Variants in SDK1 observed in about 807,000 individuals in gnomAD.
SDK1 encodes the protein protein sidekick-1.
SDK1 carries 157 observed loss-of-function variants against 245.5 expected under a neutral mutation model. The ratio of observed to expected loss-of-function variants is 0.64; its 90% CI spans 0.56 to 0.73. The LOEUF is 0.73. Ranked by LOEUF, SDK1 falls within the 30% of genes least tolerant of loss-of-function variation. SDK1 has a pLI of 0.00. For synonymous variants in SDK1, 1,647 were observed against 1,278.5 expected, an observed-to-expected ratio of 1.29 and a Z score of -6.15; for missense variants, 3,583 against 3,002.3, an observed-to-expected ratio of 1.19 and a Z score of -4.52.
At chr7:3,615,405 C>G (rs2060179) in intron 1 of SDK1, among the ~76,000 whole-genome samples, 3 of 151,298 alleles carry the variant, frequency 2.0e-5, no homozygotes, top group African/African-American at 7.3e-5. Context: ...TACAGCTTAA[C>G]GCATGTCAGT....
chr7:3,868,235 T>G (rs1467747972), intron 5 of SDK1, among the ~76,000 whole-genome samples: 4 of 152,192 alleles, frequency 2.6e-5, no homozygotes, highest in Admixed American at 6.5e-5. Context: ...TGGTAAAAAA[T>G]AAACCTGTCA....
chr7:3,606,685 C>A (rs183366412), intron 1 of SDK1, among the ~76,000 whole-genome samples: 1 of 152,228 alleles, frequency 6.6e-6, no homozygotes, highest in East Asian at 1.9e-4. Flanking sequence ...ACTCAGATAC[C>A]CCGTTCTCAA....
At chr7:4,098,746 C>T (rs1267755054) in intron 22 of SDK1, among the ~76,000 whole-genome samples, 1 of 151,684 alleles carries the variant, frequency 6.6e-6, no homozygotes, top group African/African-American at 2.4e-5. Context: ...TCACTGCAGC[C>T]TCAACCTCCC....
At chr7:3,911,898 A>G (rs1779179169) in intron 5 of SDK1, among the ~76,000 whole-genome samples, 1 of 152,180 alleles carries the variant, frequency 6.6e-6, no homozygotes, top group African/African-American at 2.4e-5. Flanking sequence ...GGAGCTGGAT[A>G]AAGTACTCAC....
intron 1 of SDK1, among the ~76,000 whole-genome samples, chr7:3,403,950 C>G (rs1226841101): frequency 6.9e-6 from 1 of 144,036 alleles, no homozygotes; most frequent in Non-Finnish European, 1.5e-5. Flanking sequence ...AGGTTAGGGT[C>G]CAGACCATTG....
intron 1 of SDK1, among the ~76,000 whole-genome samples, chr7:3,373,293 T>C (rs1171468707): frequency 6.6e-6 from 1 of 152,206 alleles, no homozygotes; most frequent in Non-Finnish European, 1.5e-5. Flanking sequence ...ATATAATTTA[T>C]TGAACACTAA....
At chr7:3,708,973 C>T (rs1314212441) in intron 4 of SDK1, among the ~76,000 whole-genome samples, 3 of 152,202 alleles carry the variant, frequency 2.0e-5, no homozygotes, top group Non-Finnish European at 4.4e-5. Context: ...CTCTTCCAGC[C>T]ATCATGTTAA....
intron 26 of SDK1, chr7:4,129,536 C>A: frequency 1.9e-6 from 1 of 519,324 alleles, no homozygotes; most frequent in Non-Finnish European, 2.7e-6. Flanking sequence ...GGCTGGAAAA[C>A]CCAGGGGGCT....
chr7:3,544,266 A>G lies in SDK1; in HGVS notation c.299-74814A>G, dbSNP rs764486132. Among the ~76,000 whole-genome samples, 4 of 152,374 alleles carry G rather than the reference A, an allele frequency of 2.6e-5. No homozygotes were observed. In the South Asian group the frequency reaches 8.3e-4, roughly 32 times the overall value. On this transcript the variant is annotated intron_variant, in intron 1 of 44. Transcript: ENST00000404826. Reference sequence around the variant, plus strand: ...TTCCCAACAGTTTATAACTGCCAGAATAATTTAAAAGACATTTTCCCTTTG... The same window carrying G: ...TTCCCAACAGTTTATAACTGCCAGAGTAATTTAAAAGACATTTTCCCTTTG...
intron 42 of SDK1, among the ~76,000 whole-genome samples, chr7:4,239,767 T>G (rs1473029006): frequency 6.6e-6 from 1 of 152,220 alleles, no homozygotes; most frequent in Non-Finnish European, 1.5e-5. Context: ...GGGCCAGACC[T>G]CTTCCTGAGC....
At chr7:3,649,387 A>G (rs1344521479) in intron 4 of SDK1, among the ~76,000 whole-genome samples, 2 of 152,106 alleles carry the variant, frequency 1.3e-5, no homozygotes, top group African/African-American at 4.8e-5. Context: ...ATCCCAATCA[A>G]GAGAGTTCGT....
chr7:4,253,115 C>G (rs1443754653), intron 44 of SDK1, among the ~76,000 whole-genome samples: 1 of 151,924 alleles, frequency 6.6e-6, no homozygotes, highest in Non-Finnish European at 1.5e-5. Context: ...TATTATTTTT[C>G]TACTTTCTAT....
chr7:3,800,361 AC>A (rs1779076074), intron 4 of SDK1, among the ~76,000 whole-genome samples: 2 of 147,536 alleles, frequency 1.4e-5, no homozygotes, highest in African/African-American at 5.1e-5. Flanking sequence ...TTACTTACTT[AC>A]TTACTTACTT....
chr7:3,412,137 G>GGT (rs1779227698), intron 1 of SDK1, among the ~76,000 whole-genome samples: 1 of 152,152 alleles, frequency 6.6e-6, no homozygotes, highest in South Asian at 2.1e-4. Flanking sequence ...AGTAGAGCTA[G>GGT]ATTTAGGGGT....
At chr7:3,592,193 A>C (rs779389743) in intron 1 of SDK1, among the ~76,000 whole-genome samples, 7 of 152,304 alleles carry the variant, frequency 4.6e-5, no homozygotes, top group Middle Eastern at 3.4e-3. Context: ...AGAGCTCCTC[A>C]AGTCATTATA....
chr7:3,682,804 T>A (rs1784149394), intron 4 of SDK1, among the ~76,000 whole-genome samples: 1 of 151,938 alleles, frequency 6.6e-6, no homozygotes, highest in Non-Finnish European at 1.5e-5. Context: ...AGTGGCGCAA[T>A]CTCAGCTCAC....
intron 44 of SDK1, among the ~76,000 whole-genome samples, chr7:4,250,994 G>T (rs940735874): frequency 1.3e-5 from 2 of 152,028 alleles, no homozygotes; most frequent in Admixed American, 1.3e-4. Context: ...CTATAGATTT[G>T]CCTATCCTGA....
intron 5 of SDK1, among the ~76,000 whole-genome samples, chr7:3,879,978 G>T (rs542299516): frequency 1.3e-5 from 2 of 152,170 alleles, no homozygotes; most frequent in East Asian, 3.9e-4. Context: ...CCAGGAGAGA[G>T]AGATCAAGGC....
rs78188420 is a variant in SDK1, at chr7:3,974,423, C to T, written c.1872C>T (p.Ile624=). 2.1e-4 allele frequency: 346 copies of T among 1,614,084 alleles called. 1 individual carries two copies. In the African/African-American group the frequency reaches 3.5e-3, roughly 16 times the overall value. Residue 624 remains isoleucine, a synonymous_variant, in exon 13 of 45, where the codon ATC becomes ATT. Coordinates refer to ENST00000404826, the MANE Select transcript of SDK1 (RefSeq NM_152744.4). ...TGACTCCATCGAGCACGTCTAGGAT[C>T]GTGGTGGAGAAGGACGGGTCCCTTC... is the stretch of plus-strand genomic sequence containing the variant. ...VALTPSSTSR[I]VVEKDGSLLI...
Sources: gnomAD v4.1 joint callset for allele counts (sites outside exome capture counted in the v4.1 genomes callset) on GRCh38, gnomAD v4.1.1 for gene constraint, MANE v1.5 for transcripts, NCBI Gene and HGNC (gene_info 2026-07-23, HGNC 2026-07-21) for gene names.